Variants in PTPRS observed in about 807,000 individuals in gnomAD.
The protein encoded by PTPRS is protein tyrosine phosphatase receptor type S.
In PTPRS, 63 loss-of-function variants were observed where a neutral mutation model predicts 215.3. The observed-to-expected ratio is 0.29, with a 90% CI of 0.24 to 0.36. The LOEUF (loss-of-function observed/expected upper bound fraction) is 0.36, where lower values mean the gene tolerates loss of function less well. Among genes scored for constraint, PTPRS ranks in the 10% least tolerant of loss-of-function variants. PTPRS has a pLI of 1.00. For missense variants in PTPRS, 2,258 were observed against 2,825.8 expected, an observed-to-expected ratio of 0.80 and a Z score of 4.56; for synonymous variants, 1,404 against 1,191.4, an observed-to-expected ratio of 1.18 and a Z score of -3.68.
intron 2 of PTPRS, among the ~76,000 whole-genome samples, chr19:5,280,280 A>G (rs968432669): frequency 6.6e-6 from 1 of 152,166 alleles, no homozygotes; most frequent in Non-Finnish European, 1.5e-5. Context: ...GTGGGCCCCA[A>G]CGCCTACCCA....
rs746218785 is a variant in PTPRS at position 5,245,809 on chromosome 19, C to T, written c.955G>A (p.Val319Ile). The T allele has an allele frequency of 1.6e-5, 25 of 1,610,354 alleles. No homozygotes were observed. Among genetic ancestry groups the T allele is most frequent in the Admixed American group, 1.0e-4 (6 of 59,610 alleles). Residue 319 changes from valine (V) to isoleucine (I), a missense_variant, in exon 10 of 38, where the codon GTC becomes ATC. Physicochemically the swap from Val to Ile is conservative, Grantham distance 29 (BLOSUM62 3). Coordinates refer to ENST00000262963, the MANE Select transcript of PTPRS (RefSeq NM_002850.4). ...GTGATCTGAGCAACCGCCTCAATGA[C>T]GCCCAGGCTGGACATGGCCACGCAG... ...YTCVAMSSLG[V>I]IEAVAQITVK...
At chr19:5,281,085 C>T (rs1406460317) in intron 2 of PTPRS, among the ~76,000 whole-genome samples, 1 of 152,040 alleles carries the variant, frequency 6.6e-6, no homozygotes, top group African/African-American at 2.4e-5. Flanking sequence ...AGGCGCCGCG[C>T]CTGGCCCCTC....
Position 5,293,207 on chromosome 19 carries a change from G to C in PTPRS, c.-94-6973C>G, listed in dbSNP as rs1474725468. On this transcript the variant is annotated intron_variant, in intron 1 of 37. Coordinates refer to ENST00000262963, the MANE Select transcript of PTPRS (RefSeq NM_002850.4). This position sits in a 1 kb window ranked among gnomAD's most constrained non-coding sequence, Gnocchi z 8.4. ...ACAGGGCCCGCCGCAGCCGCTCCCC[G>C]CGTCCCTCGGTCCGCCCGGAGCGCG... The C allele has an allele frequency of 6.6e-6, 1 of 151,666 alleles. No individual in the cohort carries two copies. The highest frequency in any genetic ancestry group is 1.5e-5 in the Non-Finnish European group (1 of 67,798). 9.4% of individuals were successfully genotyped at this position (151,666 alleles called of 1,614,324 possible).
chr19:5,302,566 C>G (rs1375389275), intron 1 of PTPRS, among the ~76,000 whole-genome samples: 1 of 152,084 alleles, frequency 6.6e-6, no homozygotes, highest in Non-Finnish European at 1.5e-5. Context: ...CACCAGCAGC[C>G]GGATGGGATT....
Position 5,234,362 on chromosome 19 carries a change from T to C in PTPRS, c.1850-2747A>G, listed in dbSNP as rs576339204. On this transcript the variant is annotated intron_variant, in intron 13 of 37. Coordinates refer to ENST00000262963, the MANE Select transcript of PTPRS (RefSeq NM_002850.4). The stretch of plus-strand genomic sequence containing the variant: ...AGTAATAATAAAAGTGCCTGTTTAT[T>C]GGACACCTACTGGTGTCAGGTACCA... Among the ~76,000 whole-genome samples the C allele has an allele frequency of 3.2e-4, 49 of 152,330 alleles. 1 individual carries two copies. The South Asian group carries it at 9.7e-3, about 30-fold the overall frequency.
At chr19:5,236,440 C>T (rs1475156269) in intron 13 of PTPRS, among the ~76,000 whole-genome samples, 8 of 152,136 alleles carry the variant, frequency 5.3e-5, no homozygotes, top group South Asian at 2.1e-4. Flanking sequence ...TTGGGTATGG[C>T]GGAAGCCACT....
intron 30 of PTPRS, among the ~76,000 whole-genome samples, chr19:5,212,953 A>C (rs1024979517): frequency 6.6e-6 from 1 of 151,740 alleles, no homozygotes; most frequent in African/African-American, 2.4e-5. Flanking sequence ...CGGACGCCTC[A>C]CACACAACGT....
intron 1 of PTPRS, among the ~76,000 whole-genome samples, chr19:5,311,159 T>G (rs2049689480): frequency 6.6e-6 from 1 of 152,088 alleles, no homozygotes; most frequent in Non-Finnish European, 1.5e-5. Context: ...ATTACAGGCA[T>G]GAGCCACTGT....
rs1459334085 is a variant in PTPRS, at chr19:5,238,938, C to T, written c.1830G>A (p.Arg610=). ...ACCTACTGGACTGCAGCGTGCGCTG[C>T]CGCACCACGGGGGTGAAGGCGCCCA... is the stretch of plus-strand genomic sequence containing the variant. ...QGLGAFTPVV[R]QRTLQSKPSA... is the part of the protein sequence containing the mutation. Residue 610 remains arginine (R), a synonymous_variant, in exon 13 of 38, where the codon CGG becomes CGA. Transcript: ENST00000262963. 10 of 1,609,116 alleles carry T rather than the reference C, an allele frequency of 6.2e-6. No homozygotes were observed. The Admixed American group carries it at 1.2e-4, about 19-fold the overall frequency.
At chr19:5,331,129 A>T (rs1411021072) in intron 1 of PTPRS, among the ~76,000 whole-genome samples, 11 of 94,292 alleles carry the variant, frequency 1.2e-4, no homozygotes, top group East Asian at 2.4e-4. Flanking sequence ...TTCTTTTTTT[A>T]AAAAAAAAAA....
chr19:5,247,842 C>T (rs953687436), intron 9 of PTPRS, among the ~76,000 whole-genome samples: 5 of 151,810 alleles, frequency 3.3e-5, no homozygotes, highest in East Asian at 1.9e-4. Context: ...GAAGGGGGGA[C>T]GTCGGCAGGC....
At position 5,273,280 on chromosome 19, in the gene PTPRS, C is replaced by T. The variant is rs761619387; in HGVS notation, c.379+162G>A. The T allele has an allele frequency of 4.5e-6, 4 of 893,898 alleles. No homozygotes were observed. In the African/African-American group the frequency reaches 4.9e-5, roughly 11 times the overall value. 55.4% of individuals were successfully genotyped at this position (893,898 alleles called of 1,614,324 possible). The stretch of plus-strand genomic sequence containing the variant: ...GGCACAATAAATCCCCACCAGTAGG[C>T]GCTGGGCCCTGAGACTGTTACTGGT... On this transcript the variant is annotated intron_variant, in intron 4 of 37. Coordinates refer to ENST00000262963, the MANE Select transcript of PTPRS (RefSeq NM_002850.4).
chr19:5,320,479 G>A (rs1048473147), intron 1 of PTPRS, among the ~76,000 whole-genome samples: 2 of 152,168 alleles, frequency 1.3e-5, no homozygotes, highest in Non-Finnish European at 2.9e-5. Context: ...CCCCAGGCTG[G>A]AGTGCAGTGG....
chr19:5,297,290 G>A (rs988205608), intron 1 of PTPRS, among the ~76,000 whole-genome samples: 6 of 152,156 alleles, frequency 3.9e-5, no homozygotes, highest in African/African-American at 4.8e-5. Context: ...TAAAATAGGC[G>A]CGTGCAGCAG....
intron 5 of PTPRS, 93 bp from the exon 6 acceptor site, chr19:5,263,065 C>A: frequency 2.8e-5 from 3 of 106,572 alleles, no homozygotes; most frequent in South Asian, 8.4e-5. Context: ...GAGGGGAGGG[C>A]GGGGGAGGGG....
intron 2 of PTPRS, among the ~76,000 whole-genome samples, chr19:5,280,643 C>T (rs950500671): frequency 2.0e-5 from 3 of 151,872 alleles, no homozygotes; most frequent in African/African-American, 7.3e-5. Flanking sequence ...ATCGTTTGAA[C>T]CCAGGAGGCA....
intron 9 of PTPRS, among the ~76,000 whole-genome samples, chr19:5,250,196 T>G (rs1197651088): frequency 6.6e-6 from 1 of 152,200 alleles, no homozygotes; most frequent in African/African-American, 2.4e-5. Context: ...CCCGCCTCAT[T>G]TGTTTCAAAG....
chr19:5,304,139 T>C (rs1476918549), intron 1 of PTPRS, among the ~76,000 whole-genome samples: 1 of 151,904 alleles, frequency 6.6e-6, no homozygotes, highest in Non-Finnish European at 1.5e-5. Flanking sequence ...ACAAGATGAC[T>C]GTGGGAGGCA....
chr19:5,312,854 C>T (rs1600101396), intron 1 of PTPRS, among the ~76,000 whole-genome samples: 1 of 152,170 alleles, frequency 6.6e-6, no homozygotes, highest in Non-Finnish European at 1.5e-5. Flanking sequence ...CAAGGTCACA[C>T]AGCATGGCGG....
Sources: gnomAD v4.1 joint callset for allele counts (sites outside exome capture counted in the v4.1 genomes callset) on GRCh38, gnomAD v4.1.1 for gene constraint, Gnocchi (gnomAD v3.1) non-coding constraint, MANE v1.5 for transcripts, NCBI Gene and HGNC (gene_info 2026-07-23, HGNC 2026-07-21) for gene names.